The following FILIP1L variants were observed in gnomAD, a reference collection of about 807,000 sequenced individuals.
FILIP1L encodes the protein filamin A-interacting protein 1-like.
A neutral mutation model predicts 96.6 loss-of-function variants in FILIP1L; 55 were observed. The ratio of observed to expected loss-of-function variants is 0.57; its 90% confidence interval spans 0.46 to 0.71. The LOEUF (loss-of-function observed/expected upper bound fraction) is 0.71. FILIP1L is among the 30% of genes least tolerant of loss of function. The pLI, the probability that FILIP1L is intolerant of heterozygous loss-of-function variation, is 0.00. For missense variants in FILIP1L, 1,304 were observed against 1,321.2 expected, an observed-to-expected ratio of 0.99 and a Z score of 0.20; for synonymous variants, 467 against 473.9, an observed-to-expected ratio of 0.99 and a Z score of 0.19.
chr3:99,904,279 G>T (rs940459466), intron 4 of FILIP1L, among the ~76,000 whole-genome samples: 1 of 152,184 alleles, frequency 6.6e-6, no homozygotes, highest in Non-Finnish European at 1.5e-5. Flanking sequence ...TCATTTGCTA[G>T]TATTTTTGTT....
chr3:99,911,603 A>T (rs567484304), intron 4 of FILIP1L, among the ~76,000 whole-genome samples: 1 of 152,200 alleles, frequency 6.6e-6, no homozygotes, highest in Non-Finnish European at 1.5e-5. Context: ...TTTTTAATGT[A>T]CCTGTGAGTG....
At chr3:100,055,414 C>G (rs544207389) in intron 1 of FILIP1L, among the ~76,000 whole-genome samples, 1 of 152,178 alleles carries the variant, frequency 6.6e-6, no homozygotes, top group East Asian at 1.9e-4. Context: ...TCGGAAATTC[C>G]TAGGACATGT....
intron 1 of FILIP1L, among the ~76,000 whole-genome samples, chr3:100,096,577 G>A (rs1287471786): frequency 6.6e-6 from 1 of 152,000 alleles, no homozygotes; most frequent in Non-Finnish European, 1.5e-5. Context: ...TTGAACACAT[G>A]TTGATGGAGA....
At chr3:100,081,956 T>C (rs1315254438) in intron 1 of FILIP1L, among the ~76,000 whole-genome samples, 1 of 152,118 alleles carries the variant, frequency 6.6e-6, no homozygotes, top group African/African-American at 2.4e-5. Flanking sequence ...TTGCCTTCAA[T>C]TGCTGTTTTA....
At chr3:100,037,332 T>C (rs2065124888) in intron 1 of FILIP1L, among the ~76,000 whole-genome samples, 1 of 152,174 alleles carries the variant, frequency 6.6e-6, no homozygotes, top group African/African-American at 2.4e-5. Context: ...GCAAAAGTGG[T>C]AAAAATTTTA....
At chr3:100,105,636 G>A (rs1039771173) in intron 1 of FILIP1L, among the ~76,000 whole-genome samples, 2 of 152,132 alleles carry the variant, frequency 1.3e-5, no homozygotes, top group African/African-American at 4.8e-5. Context: ...TGAGTTAATA[G>A]GCTGAGGGAA....
chr3:100,010,699 C>A (rs1236037048), intron 1 of FILIP1L, among the ~76,000 whole-genome samples: 1 of 147,052 alleles, frequency 6.8e-6, no homozygotes, highest in Non-Finnish European at 1.5e-5. Flanking sequence ...ACTGCAACTT[C>A]TACCTCCCGG....
In FILIP1L at chr3:99,850,303, A is replaced by C. The variant is rs753491522; in HGVS notation, c.1373T>G (p.Leu458Trp). ...TTTTAAACTCTCCAGTTCTTGAGAC[A>C]ACTGCTTTGTGGTCATCCTTTCTTT... ...LEKERMTTKQ[L>W]SQELESLKVR... Residue 458 changes from leucine (L) to tryptophan (W), a missense_variant, in exon 5 of 6, where the codon TTG becomes TGG. Coordinates refer to ENST00000477258, the MANE Select transcript of FILIP1L (RefSeq NM_001387850.1). The C allele has an allele frequency of 1.9e-6, 3 of 1,613,818 alleles. No homozygotes were observed. Among genetic ancestry groups the C allele is most frequent in the Admixed American group, 3.3e-5 (2 of 59,972 alleles).
At chr3:100,080,446 T>G (rs1471218995) in intron 1 of FILIP1L, among the ~76,000 whole-genome samples, 2 of 152,194 alleles carry the variant, frequency 1.3e-5, no homozygotes, top group Non-Finnish European at 2.9e-5. Context: ...ATGTAGATTT[T>G]GGGGAGTACC....
chr3:100,035,432 C>A (rs529689286), intron 1 of FILIP1L, among the ~76,000 whole-genome samples: 1 of 152,262 alleles, frequency 6.6e-6, no homozygotes, highest in South Asian at 2.1e-4. Flanking sequence ...TGCCACCACG[C>A]CCAGCTAATT....
At chr3:100,028,022 G>A (rs1168940548) in intron 1 of FILIP1L, among the ~76,000 whole-genome samples, 1 of 152,130 alleles carries the variant, frequency 6.6e-6, no homozygotes, top group Non-Finnish European at 1.5e-5. Context: ...GAAATGATGG[G>A]GTTGGATTTA....
rs2107481770 is a variant in FILIP1L at position 99,829,443 on chromosome 3, T to A, written c.*971A>T. ...GTGTCTACCCTTATAGATGACTGTT[T>A]GAATTCAACATTTTGTATTAATAGT... On this transcript the variant is annotated 3_prime_UTR_variant, in exon 6 of 6. Coordinates refer to ENST00000477258, the MANE Select transcript of FILIP1L (RefSeq NM_001387850.1). Among the ~76,000 whole-genome samples, 1 of 152,324 alleles carries A rather than the reference T, an allele frequency of 6.6e-6. No individual in the cohort carries two copies. The highest frequency in any genetic ancestry group is 1.5e-5 in the Non-Finnish European group (1 of 68,024).
At chr3:100,025,874 A>G (rs1210408614) in intron 1 of FILIP1L, among the ~76,000 whole-genome samples, 2 of 152,190 alleles carry the variant, frequency 1.3e-5, no homozygotes, top group Non-Finnish European at 2.9e-5. Flanking sequence ...CTTGGTGGTG[A>G]TAACACAGGC....
chr3:99,931,820 A>G (rs890786312), intron 1 of FILIP1L, among the ~76,000 whole-genome samples: 2 of 152,228 alleles, frequency 1.3e-5, no homozygotes, highest in Non-Finnish European at 2.9e-5. Flanking sequence ...ATAATCATCC[A>G]AATGAATTTA....
chr3:99,886,564 G>T (rs1011912704), intron 4 of FILIP1L, among the ~76,000 whole-genome samples: 1 of 151,686 alleles, frequency 6.6e-6, no homozygotes, highest in Admixed American at 6.6e-5. Flanking sequence ...CCCAGATTTT[G>T]GGGGGGTAGA....
chr3:100,033,572 C>T (rs544017488), intron 1 of FILIP1L, among the ~76,000 whole-genome samples: 126 of 152,128 alleles, frequency 8.3e-4, no homozygotes, highest in Non-Finnish European at 1.6e-3. Context: ...CATGTACTGC[C>T]CCTCAACTGC....
chr3:99,916,476 ACACACACACG>A (rs1164038036), intron 4 of FILIP1L, among the ~76,000 whole-genome samples: 1 of 135,966 alleles, frequency 7.4e-6, no homozygotes, highest in African/African-American at 2.7e-5. Flanking sequence ...ACACACACAC[ACACACACACG>A]TTCTGTTTCT....
intron 4 of FILIP1L, among the ~76,000 whole-genome samples, chr3:99,872,778 A>G (rs1352383035): frequency 2.6e-5 from 4 of 152,194 alleles, no homozygotes; most frequent in Non-Finnish European, 4.4e-5. Flanking sequence ...CTCAGAGAAC[A>G]AGCATGAAGA....
rs1000536415 is a variant in FILIP1L, at chr3:99,850,917, G to C, written c.759C>G (p.Leu253=). The part of the protein sequence containing the change: ...VDEQQRLTAQ[L]TLQRQKIQEL... ...CTTGGATTTTCTGTCTTTGAAGGGT[G>C]AGCTGTGCCGTCAGCCTTTGCTGTT... The change falls in exon 5 of 6, where the codon CTC becomes CTG. Residue 253 remains leucine (L), a synonymous_variant. Coordinates refer to ENST00000477258, the MANE Select transcript of FILIP1L (RefSeq NM_001387850.1). 1.2e-6 allele frequency: 2 copies of C among 1,614,170 alleles called. No homozygotes were observed. The highest frequency in any genetic ancestry group is 3.3e-5 in the Admixed American group (2 of 60,024).
Sources: gnomAD v4.1 joint callset for allele counts (sites outside exome capture counted in the v4.1 genomes callset) on GRCh38, gnomAD v4.1.1 for gene constraint, MANE v1.5 for transcripts, NCBI Gene and HGNC (gene_info 2026-07-23, HGNC 2026-07-21) for gene names.